The following MBD5 variants were observed in gnomAD, a reference collection of about 807,000 sequenced individuals.
MBD5 encodes methyl-CpG binding domain protein 5, also known as methyl-CpG-binding domain protein 5.
In MBD5, 13 loss-of-function variants were observed where a neutral mutation model predicts 117.3. The ratio of observed to expected loss-of-function variants is 0.11; its 90% CI spans 0.07 to 0.18. The LOEUF (loss-of-function observed/expected upper bound fraction) is 0.18, where lower values mean the gene tolerates loss of function less well. Ranked by LOEUF, MBD5 falls within the 10% of genes least tolerant of loss-of-function variation. The pLI, the probability that MBD5 is intolerant of heterozygous loss-of-function variation, is 1.00. For synonymous variants in MBD5, 727 were observed against 766.4 expected (o/e 0.95, Z 0.85); for missense variants, 1,879 against 2,093.8 (o/e 0.90, Z 2.00).
In MBD5 at chr2:148,490,575, A is replaced by C. The variant is rs1285640636; in HGVS notation, c.4943A>C (p.Gln1648Pro). ...REDDVHNSCQ[Q>P]SPEEGKVEPE... is the part of the protein sequence containing the mutation. ...GACGACGTTCACAATTCATGTCAAC[A>C]AAGCCCCGAGGAAGGGAAGGTATAC... The change falls in exon 11 of 14, where the codon CAA (glutamine) becomes CCA (proline). Residue 1648 changes from glutamine to proline, a missense_variant. Physicochemically the swap from Gln to Pro is moderately conservative, Grantham distance 76. Around this residue, in one of 4 missense-constraint regions of MBD5, gnomAD observed 135 missense variants for 148.0 expected, o/e 0.91. Coordinates refer to ENST00000642680, the MANE Select transcript of MBD5 (RefSeq NM_001378120.1). The C allele has an allele frequency of 3.7e-6, 6 of 1,614,210 alleles. No homozygotes were observed. The highest frequency in any genetic ancestry group is 5.1e-6 in the Non-Finnish European group (6 of 1,180,032).
intron 3 of MBD5, among the ~76,000 whole-genome samples, chr2:148,314,931 A>T (rs1395647020): frequency 6.6e-6 from 1 of 152,160 alleles, no homozygotes; most frequent in Non-Finnish European, 1.5e-5. Flanking sequence ...TATCCATTCA[A>T]TTCACTTGTT....
chr2:148,340,837 T>TACACACACACACACACAC (rs141965837), intron 3 of MBD5, among the ~76,000 whole-genome samples: 1 of 142,460 alleles, frequency 7.0e-6, no homozygotes, highest in Non-Finnish European at 1.5e-5. Context: ...AAACCACACA[T>TACACACACACACACACAC]ACACACACAC....
At chr2:148,398,398 G>A (rs1330960802) in intron 4 of MBD5, among the ~76,000 whole-genome samples, 2 of 151,912 alleles carry the variant, frequency 1.3e-5, no homozygotes, top group East Asian at 3.9e-4. Context: ...TTCTCTGATG[G>A]CCAGTGATGA....
chr2:148,347,303 GTTT>G (rs1214916062), intron 4 of MBD5: 1 of 152,008 alleles, frequency 6.6e-6, no homozygotes, highest in African/African-American at 2.4e-5. Context: ...GAGCCAAGGA[GTTT>G]TGAGGCTATA....
In MBD5 at chr2:148,469,509, T is replaced by C. The variant is rs753562374; in HGVS notation, c.1566T>C (p.Pro522=). Reference sequence around the variant, plus strand: ...GACATCATCAGTACAAGGATATCCCTAACCCATTAATTGCTGGAATAAGTA... The same window carrying C: ...GACATCATCAGTACAAGGATATCCCCAACCCATTAATTGCTGGAATAAGTA... The part of the protein sequence containing the change: ...SDGHHQYKDI[P]NPLIAGISNV... Residue 522 remains proline, a synonymous_variant, in exon 8 of 14, where the codon CCT becomes CCC. Transcript: ENST00000642680. 6.2e-7 allele frequency: 1 copy of C among 1,613,802 alleles called. No homozygotes were observed.
intron 1 of MBD5, among the ~76,000 whole-genome samples, chr2:148,167,788 T>C (rs1698164038): frequency 6.6e-6 from 1 of 152,168 alleles, no homozygotes; most frequent in Non-Finnish European, 1.5e-5. Flanking sequence ...ATCATTTTTT[T>C]TTTGAGCCAA....
intron 3 of MBD5, among the ~76,000 whole-genome samples, chr2:148,323,984 T>C (rs1056755217): frequency 2.0e-5 from 3 of 152,186 alleles, no homozygotes; most frequent in Non-Finnish European, 4.4e-5. Flanking sequence ...AGGTCTAACG[T>C]TTAAGTCTTT....
At position 148,245,370 on chromosome 2, in the gene MBD5, C is replaced by T. The variant is rs138665686; in HGVS notation, c.-680+11975C>T. ...CCTCCCGAGTAGCTGAGATTACAGGCGCCCACCACCATTCCTGGCTAATGT... is the reference window on the plus strand; with the variant it reads ...CCTCCCGAGTAGCTGAGATTACAGGTGCCCACCACCATTCCTGGCTAATGT... On this transcript the variant is annotated intron_variant, in intron 3 of 13. Coordinates refer to ENST00000642680, the MANE Select transcript of MBD5 (RefSeq NM_001378120.1). Among the ~76,000 whole-genome samples, 348 of 152,204 alleles carry T rather than the reference C, an allele frequency of 2.3e-3. 3 individuals are homozygous for T. Among genetic ancestry groups the T allele is most frequent in the African/African-American group, 8.1e-3 (335 of 41,546 alleles).
At chr2:148,071,276 A>ATGTGTGTGTGTG (rs35621899) in intron 1 of MBD5, 2 of 109,626 alleles carry the variant, frequency 1.8e-5, no homozygotes, top group Admixed American at 9.4e-5. Flanking sequence ...ATATCTGTAT[A>ATGTGTGTGTGTG]TGTGTGTGTG....
chr2:148,394,545 G>GTTTTTTTTTTTTTTCTTTTT (rs1704651890), intron 4 of MBD5, among the ~76,000 whole-genome samples: 1 of 121,852 alleles, frequency 8.2e-6, no homozygotes, highest in Admixed American at 8.1e-5. Flanking sequence ...CTGTACTTTG[G>GTTTTTTTTTTTTTTCTTTTT]TTTTTTTTTT....
intron 4 of MBD5, among the ~76,000 whole-genome samples, chr2:148,345,148 T>A (rs1043289398): frequency 6.6e-6 from 1 of 151,618 alleles, no homozygotes; most frequent in Non-Finnish European, 1.5e-5. Context: ...GTGAGGGTTC[T>A]TTTAGAGGGA....
At chr2:148,308,332 T>G (rs191829857) in intron 3 of MBD5, among the ~76,000 whole-genome samples, 7 of 152,268 alleles carry the variant, frequency 4.6e-5, no homozygotes, top group African/African-American at 1.7e-4. Flanking sequence ...TGATTGCCAT[T>G]CTAACTGGCA....
In MBD5 at chr2:148,130,698, G is replaced by A. The variant is rs1697023790; in HGVS notation, c.-924-48002G>A. Among the ~76,000 whole-genome samples, 5 of 152,116 alleles carry A rather than the reference G, an allele frequency of 3.3e-5. No individual in the cohort carries two copies. In the South Asian group the frequency reaches 8.3e-4, roughly 25 times the overall value. ...AACACTGTAGAAGGAAAAAACAGTC[G>A]TGTTAAATATGAGTCACCAATCAAA... On this transcript the variant is annotated intron_variant, in intron 1 of 13. Coordinates refer to ENST00000642680, the MANE Select transcript of MBD5 (RefSeq NM_001378120.1).
At chr2:148,299,215 C>T (rs1157030912) in intron 3 of MBD5, among the ~76,000 whole-genome samples, 1 of 152,022 alleles carries the variant, frequency 6.6e-6, no homozygotes, top group Non-Finnish European at 1.5e-5. Context: ...GCAACCTCTG[C>T]CTCCCAGGTT....
chr2:148,307,462 CT>C (rs1235407729), intron 3 of MBD5, among the ~76,000 whole-genome samples: 1 of 150,088 alleles, frequency 6.7e-6, no homozygotes, highest in African/African-American at 2.4e-5. Context: ...CTTTCACATC[CT>C]AAAACAACAG....
intron 3 of MBD5, among the ~76,000 whole-genome samples, chr2:148,241,600 C>T (rs541947622): frequency 2.0e-5 from 3 of 151,992 alleles, no homozygotes; most frequent in South Asian, 2.1e-4. Context: ...CCTTTCTGGG[C>T]CCCCCCTCCC....
At chr2:148,456,080 T>G (rs749252993) in intron 4 of MBD5, among the ~76,000 whole-genome samples, 1 of 152,176 alleles carries the variant, frequency 6.6e-6, no homozygotes, top group African/African-American at 2.4e-5. Context: ...TTCTTCCACA[T>G]TGAATAGCTC....
chr2:148,270,922 C>A (rs896555331), intron 3 of MBD5, among the ~76,000 whole-genome samples: 3 of 152,052 alleles, frequency 2.0e-5, no homozygotes, highest in African/African-American at 7.2e-5. Flanking sequence ...AACAGATAGC[C>A]CTTTATTCCT....
At chr2:148,164,635 C>T (rs1438222335) in intron 1 of MBD5, among the ~76,000 whole-genome samples, 2 of 151,818 alleles carry the variant, frequency 1.3e-5, no homozygotes, top group East Asian at 1.9e-4. Flanking sequence ...GTTTTTAGGA[C>T]CAGGCATAAT....
Sources: allele counts gnomAD v4.1 joint callset (sites outside exome capture counted in the v4.1 genomes callset), GRCh38; gene constraint gnomAD v4.1.1; regional missense constraint gnomAD v4.1.1; transcripts MANE v1.5; gene names NCBI Gene and HGNC (gene_info 2026-07-23, HGNC 2026-07-21).